HMCES: variants seen among roughly 807,000 people sequenced by gnomAD.
HMCES encodes the protein 5-hydroxymethylcytosine binding, ES cell specific, also known as abasic site processing protein HMCES.
HMCES carries 27 observed loss-of-function variants against 35.1 expected under a neutral mutation model. The observed-to-expected ratio is 0.77, with a 90% CI of 0.57 to 1.06. HMCES has a LOEUF of 1.06. Among genes scored for constraint, HMCES ranks in the 50% least tolerant of loss-of-function variants. The pLI, the probability that HMCES is intolerant of heterozygous loss-of-function variation, is 0.00. For synonymous variants in HMCES, 130 were observed against 154.7 expected (o/e 0.84, Z 1.18); for missense variants, 391 against 430.4 (o/e 0.91, Z 0.81).
At chr3:129,288,736 T>TA (rs1324946835) in intron 2 of HMCES, 118 bp from the exon 3 acceptor site, 1 of 882,650 alleles carries the variant, frequency 1.1e-6, no homozygotes, top group African/African-American at 1.8e-5. Flanking sequence ...ATTCCCTGTT[T>TA]AAAAATAATC....
chr3:129,291,663 A>G (rs968275571), intron 4 of HMCES, among the ~76,000 whole-genome samples: 4 of 152,242 alleles, frequency 2.6e-5, no homozygotes, highest in African/African-American at 4.8e-5. Context: ...TAATGCTGCT[A>G]TGAACATTCA....
intron 5 of HMCES, among the ~76,000 whole-genome samples, chr3:129,300,801 C>T (rs1039089788): frequency 3.3e-5 from 5 of 151,764 alleles, no homozygotes; most frequent in East Asian, 1.9e-4. Flanking sequence ...GAGGCTGAGG[C>T]GGGTGGATCA....
chr3:129,285,605 C>T (rs2107687069), intron 2 of HMCES, among the ~76,000 whole-genome samples: 1 of 152,128 alleles, frequency 6.6e-6, no homozygotes, highest in East Asian at 1.9e-4. Context: ...GCACTCGCCA[C>T]CACGCCCGGC....
chr3:129,296,884 G>T (rs879701815), intron 4 of HMCES, among the ~76,000 whole-genome samples: 5 of 152,044 alleles, frequency 3.3e-5, no homozygotes, highest in African/African-American at 4.8e-5. Context: ...GACTACAGGC[G>T]CCCGTCACCA....
chr3:129,284,166 C>G (rs182955873), intron 2 of HMCES, among the ~76,000 whole-genome samples: 1 of 152,342 alleles, frequency 6.6e-6, no homozygotes, highest in East Asian at 1.9e-4. Flanking sequence ...CGAGGCAGAG[C>G]TCTGCCTTCT....
chr3:129,294,387 T>C (rs1012074796), intron 4 of HMCES, among the ~76,000 whole-genome samples: 3 of 152,214 alleles, frequency 2.0e-5, no homozygotes, highest in Non-Finnish European at 2.9e-5. Flanking sequence ...TGCGCCACTG[T>C]GCTCCAGCCT....
chr3:129,287,474 A>G (rs1241105459), intron 2 of HMCES, among the ~76,000 whole-genome samples: 1 of 151,918 alleles, frequency 6.6e-6, no homozygotes, highest in African/African-American at 2.4e-5. Flanking sequence ...GAAACCCATT[A>G]GAGACTCAGG....
intron 4 of HMCES, among the ~76,000 whole-genome samples, chr3:129,293,085 T>C (rs2071044528): frequency 6.6e-6 from 1 of 152,238 alleles, no homozygotes; most frequent in Non-Finnish European, 1.5e-5. Flanking sequence ...TAGTCAGTTA[T>C]TGGTTCCAAC....
intron 4 of HMCES, among the ~76,000 whole-genome samples, chr3:129,295,341 G>A (rs115744342): frequency 0.019 from 2,815 of 151,518 alleles, 80 homozygotes; most frequent in East Asian, 0.11. Context: ...GGAGTCTGAC[G>A]TGGGAAGATC....
At position 129,279,683 on chromosome 3, in the gene HMCES, C is replaced by A; in HGVS notation, c.-23-27C>A. On this transcript the variant is annotated intron_variant, in intron 1 of 6. Coordinates refer to ENST00000383463, the MANE Select transcript of HMCES (RefSeq NM_020187.3). The surrounding 1 kb of genome is among the most constrained non-coding windows in gnomAD (Gnocchi z 4.2). ...GACCTAATATTTGAGATACGTAAGC[C>A]TTTTCCTTACGTTTTGTAATTTAAA... The A allele has an allele frequency of 6.3e-7, 1 of 1,597,502 alleles. No individual in the cohort carries two copies. Among genetic ancestry groups the A allele is most frequent in the South Asian group, 1.1e-5 (1 of 89,206 alleles).
chr3:129,305,455 T>A lies in HMCES; in HGVS notation c.*630T>A, dbSNP rs984689475. On this transcript the variant is annotated 3_prime_UTR_variant, in exon 7 of 7. Coordinates refer to ENST00000383463, the MANE Select transcript of HMCES (RefSeq NM_020187.3). ...CTTGGTGGTGGGCTCCTTATTATGT[T>A]TCTTTTTCTTTCATTCTTGATACTT... 2 of 152,128 alleles carry A rather than the reference T, an allele frequency of 1.3e-5. No individual in the cohort carries two copies. The highest frequency in any genetic ancestry group is 4.2e-4 in the South Asian group (2 of 4,816). The allele number at this position is 152,128 out of a possible 1,614,324, so 9.4% of individuals were successfully genotyped here. A position where few individuals can be genotyped will look rare whatever the true frequency, so the allele number is the denominator to read the frequency against.
intron 4 of HMCES, among the ~76,000 whole-genome samples, chr3:129,291,969 G>C (rs1212548834): frequency 6.6e-6 from 1 of 152,130 alleles, no homozygotes; most frequent in Non-Finnish European, 1.5e-5. Flanking sequence ...CCAGCTACTT[G>C]GGAGGCTGAG....
chr3:129,298,236 C>A, intron 4 of HMCES, 118 bp from the exon 5 acceptor site: 1 of 883,900 alleles, frequency 1.1e-6, no homozygotes. Flanking sequence ...GTTAATAAGA[C>A]GTGGGCTGAA....
intron 4 of HMCES, among the ~76,000 whole-genome samples, chr3:129,293,561 C>CTTTTTTTT (rs60989412): frequency 3.5e-5 from 3 of 86,704 alleles, no homozygotes; most frequent in East Asian, 3.2e-4. Context: ...TACATTAATT[C>CTTTTTTTT]TTTTTTTTTT....
chr3:129,279,035 TG>T lies in HMCES; in HGVS notation c.-24+133del, dbSNP rs1940369887. On this transcript the variant is annotated intron_variant, in intron 1 of 6. Transcript: ENST00000383463. This position sits in a 1 kb window ranked among gnomAD's most constrained non-coding sequence, Gnocchi z 4.2. ...GCGAGGCGACGCGGAGAGGGCGGCC[TG>T]GGCCGAAGTGAGGCGACGCGGGGCG... is the stretch of plus-strand genomic sequence containing the variant. 1 of 141,554 alleles carries T rather than the reference TG, an allele frequency of 7.1e-6. No homozygotes were observed. Among genetic ancestry groups the T allele is most frequent in the Non-Finnish European group, 1.5e-5 (1 of 65,424 alleles). 8.8% of individuals were successfully genotyped at this position (141,554 alleles called of 1,614,324 possible). A position where few individuals can be genotyped will look rare whatever the true frequency, so the allele number is the denominator to read the frequency against.
At chr3:129,303,123 A>G (rs2071190599) in intron 6 of HMCES, among the ~76,000 whole-genome samples, 1 of 152,104 alleles carries the variant, frequency 6.6e-6, no homozygotes, top group Non-Finnish European at 1.5e-5. Context: ...CAGAGGGTGT[A>G]TTTTAGGAAG....
chr3:129,283,611 G>T (rs1394027441), intron 2 of HMCES, among the ~76,000 whole-genome samples: 2 of 152,064 alleles, frequency 1.3e-5, no homozygotes, highest in Non-Finnish European at 2.9e-5. Context: ...CAGGTGGATC[G>T]CTTGCAGTCG....
intron 4 of HMCES, among the ~76,000 whole-genome samples, chr3:129,293,827 C>T (rs772593205): frequency 1.3e-5 from 2 of 152,082 alleles, no homozygotes; most frequent in African/African-American, 2.4e-5. Context: ...CTCAGCACCC[C>T]CTAAGTGCTG....
chr3:129,290,689 G>A lies in HMCES; in HGVS notation c.338G>A (p.Gly113Glu). Residue 113 changes from glycine (G) to glutamate (E), a missense_variant, in exon 4 of 7, where the codon GGA (glycine) becomes GAA (glutamate). Transcript: ENST00000383463. ...CACATTTTCCCTCAGGTGCCTCTGG[G>A]AAAGGGAAGACGCTGTGTCGTTTTA... ...MEKRSFKVPL[G>E]KGRRCVVLAD... The A allele has an allele frequency of 1.2e-6, 2 of 1,613,284 alleles. No homozygotes were observed. Among genetic ancestry groups the A allele is most frequent in the Non-Finnish European group, 1.7e-6 (2 of 1,179,426 alleles).
Sources: allele counts gnomAD v4.1 joint callset (sites outside exome capture counted in the v4.1 genomes callset), GRCh38; gene constraint gnomAD v4.1.1; non-coding constraint Gnocchi (gnomAD v3.1); transcripts MANE v1.5; gene names NCBI Gene and HGNC (gene_info 2026-07-23, HGNC 2026-07-21).